The following NWD2 variants were observed in gnomAD, a reference collection of about 807,000 sequenced individuals.
NWD2 encodes NACHT and WD repeat domain containing 2.
A neutral mutation model predicts 132.7 loss-of-function variants in NWD2; 37 were observed. The ratio of observed to expected loss-of-function variants is 0.28; its 90% CI spans 0.21 to 0.37. The LOEUF (loss-of-function observed/expected upper bound fraction) is 0.37. Among genes scored for constraint, NWD2 ranks in the 10% least tolerant of loss-of-function variants. The pLI, the probability that NWD2 is intolerant of heterozygous loss-of-function variation, is 1.00. For missense variants in NWD2, 1,592 were observed against 2,122.4 expected, an observed-to-expected ratio of 0.75 and a Z score of 4.91; for synonymous variants, 705 against 803.0, an observed-to-expected ratio of 0.88 and a Z score of 2.06.
chr4:37,427,108 A>C (rs1712029641), intron 3 of NWD2, among the ~76,000 whole-genome samples: 1 of 151,658 alleles, frequency 6.6e-6, no homozygotes, highest in Non-Finnish European at 1.5e-5. Flanking sequence ...ACTAAATCCC[A>C]TATTTAATGT....
In NWD2 at chr4:37,275,475, C is replaced by G. The variant is rs1717989029; in HGVS notation, c.151+30257C>G. Among the ~76,000 whole-genome samples, 4 of 152,112 alleles carry G rather than the reference C, an allele frequency of 2.6e-5. No homozygotes were observed. In the South Asian group the frequency reaches 8.3e-4, roughly 32 times the overall value. On this transcript the variant is annotated intron_variant, in intron 1 of 6. Transcript: ENST00000309447. ...CTCCATGCTCATGGGTAGGAAGAAT[C>G]AATATCGTGAAAATGGCCATACTGC...
chr4:37,292,071 T>C (rs189221774), intron 1 of NWD2, among the ~76,000 whole-genome samples: 245 of 152,354 alleles, frequency 1.6e-3, no homozygotes, highest in Non-Finnish European at 2.5e-3. Flanking sequence ...ACTGACTTAA[T>C]GATCCTCACA....
At chr4:37,440,497 TC>T (rs763785263) in intron 6 of NWD2, among the ~76,000 whole-genome samples, 2 of 152,050 alleles carry the variant, frequency 1.3e-5, no homozygotes, top group Non-Finnish European at 2.9e-5. Flanking sequence ...GATGCCTGTA[TC>T]CCCAAGCTGT....
At chr4:37,251,451 GGTT>G (rs1281141505) in intron 1 of NWD2, among the ~76,000 whole-genome samples, 3 of 152,166 alleles carry the variant, frequency 2.0e-5, no homozygotes, top group Non-Finnish European at 4.4e-5. Flanking sequence ...TCATTATAGA[GGTT>G]GGAGGAGCAA....
intron 3 of NWD2, among the ~76,000 whole-genome samples, chr4:37,359,566 A>G (rs1213988260): frequency 6.6e-6 from 1 of 151,904 alleles, no homozygotes; most frequent in Non-Finnish European, 1.5e-5. Flanking sequence ...CTAATGCTGA[A>G]GTCTTTGGCA....
At position 37,410,821 on chromosome 4, in the gene NWD2, A is replaced by G. The variant is rs565407977; in HGVS notation, c.358-19751A>G. On this transcript the variant is annotated intron_variant, in intron 3 of 6. Transcript: ENST00000309447. Reference sequence around the variant, plus strand: ...TCTCAGACCACAGTGTAATCAAATTAGAACTCAGGATTACAAAACTCACTC... The same window carrying G: ...TCTCAGACCACAGTGTAATCAAATTGGAACTCAGGATTACAAAACTCACTC... 4.6e-5 allele frequency among the ~76,000 whole-genome samples: 7 copies of G among 152,350 alleles called. No homozygotes were observed. In the South Asian group the frequency reaches 1.5e-3, roughly 32 times the overall value.
intron 1 of NWD2, among the ~76,000 whole-genome samples, chr4:37,322,560 C>T (rs1012610719): frequency 2.6e-5 from 4 of 152,060 alleles, no homozygotes; most frequent in Non-Finnish European, 4.4e-5. Flanking sequence ...GAACACTCAT[C>T]GTAAGGAGTG....
chr4:37,380,401 G>C (rs112957980), intron 3 of NWD2, among the ~76,000 whole-genome samples: 2 of 152,194 alleles, frequency 1.3e-5, no homozygotes, highest in African/African-American at 4.8e-5. Context: ...TTACATATCT[G>C]TTCTATCATA....
At chr4:37,320,086 A>ATTG (rs1719038168) in intron 1 of NWD2, among the ~76,000 whole-genome samples, 1 of 152,118 alleles carries the variant, frequency 6.6e-6, no homozygotes, top group South Asian at 2.1e-4. Flanking sequence ...TTTTAATGAT[A>ATTG]TTGTGTCTTG....
intron 3 of NWD2, among the ~76,000 whole-genome samples, chr4:37,418,092 A>C (rs1711677873): frequency 1.3e-5 from 2 of 152,090 alleles, no homozygotes. Flanking sequence ...CTCCTTAGAG[A>C]AATGGATTAT....
At chr4:37,264,995 C>T (rs937395168) in intron 1 of NWD2, among the ~76,000 whole-genome samples, 29 of 151,986 alleles carry the variant, frequency 1.9e-4, no homozygotes, top group African/African-American at 7.0e-4. Context: ...ATCTCCCAGC[C>T]ATGTAGTGTG....
intron 3 of NWD2, among the ~76,000 whole-genome samples, chr4:37,405,280 G>A (rs1213918475): frequency 1.3e-5 from 2 of 152,236 alleles, no homozygotes; most frequent in Middle Eastern, 3.4e-3. Context: ...GCAATCTTGT[G>A]GAGAGCGACT....
intron 1 of NWD2, among the ~76,000 whole-genome samples, chr4:37,291,255 A>G (rs1421399043): frequency 6.6e-6 from 1 of 152,196 alleles, no homozygotes. Context: ...AGTAGCCATA[A>G]CAAAAATAAT....
chr4:37,344,644 A>G (rs1719595385), intron 2 of NWD2, among the ~76,000 whole-genome samples: 2 of 152,138 alleles, frequency 1.3e-5, no homozygotes, highest in Non-Finnish European at 2.9e-5. Flanking sequence ...TTTGGTTCAC[A>G]TGTAGTTAGT....
chr4:37,389,101 T>G (rs1486002874), intron 3 of NWD2, among the ~76,000 whole-genome samples: 1 of 152,166 alleles, frequency 6.6e-6, no homozygotes, highest in East Asian at 1.9e-4. Flanking sequence ...GAGAAGACAT[T>G]TGCCCAAAGG....
chr4:37,267,833 G>A (rs558357013), intron 1 of NWD2, among the ~76,000 whole-genome samples: 3 of 151,868 alleles, frequency 2.0e-5, no homozygotes, highest in East Asian at 3.9e-4. Context: ...GTCTGTTGAG[G>A]GGGAAAAAAC....
At chr4:37,408,345 G>A (rs1344495909) in intron 3 of NWD2, among the ~76,000 whole-genome samples, 1 of 152,180 alleles carries the variant, frequency 6.6e-6, no homozygotes, top group Non-Finnish European at 1.5e-5. Flanking sequence ...AGCTTGCTTG[G>A]GGGAGGGGCC....
chr4:37,276,333 G>A (rs956254878), intron 1 of NWD2, among the ~76,000 whole-genome samples: 5 of 152,208 alleles, frequency 3.3e-5, no homozygotes, highest in African/African-American at 4.8e-5. Flanking sequence ...CAACAGACAC[G>A]TGAAAAAATG....
At chr4:37,250,566 G>A (rs905014114) in intron 1 of NWD2, among the ~76,000 whole-genome samples, 8 of 152,128 alleles carry the variant, frequency 5.3e-5, no homozygotes, top group Non-Finnish European at 1.2e-4. Context: ...GGACAGTGCT[G>A]GGCATGTAGT....
Sources: gnomAD v4.1 joint callset for allele counts (sites outside exome capture counted in the v4.1 genomes callset) on GRCh38, gnomAD v4.1.1 for gene constraint, MANE v1.5 for transcripts, NCBI Gene and HGNC (gene_info 2026-07-23, HGNC 2026-07-21) for gene names.